CDH8: variants seen among roughly 807,000 people sequenced by gnomAD.
CDH8 encodes cadherin-8.
Under a neutral mutation model 68.1 loss-of-function variants are expected in CDH8, and 17 were observed. That is an observed-to-expected ratio of 0.25 (90% CI 0.17 to 0.37). The LOEUF (loss-of-function observed/expected upper bound fraction) is 0.37. Ranked by LOEUF, CDH8 falls within the 10% of genes least tolerant of loss-of-function variation. The pLI is 1.00. For missense variants in CDH8, 763 were observed against 999.3 expected, an observed-to-expected ratio of 0.76 and a Z score of 3.19; for synonymous variants, 372 against 365.1, an observed-to-expected ratio of 1.02 and a Z score of -0.21.
At chr16:61,860,537 C>T (rs1963131003) in intron 3 of CDH8, among the ~76,000 whole-genome samples, 1 of 151,908 alleles carries the variant, frequency 6.6e-6, no homozygotes, top group Non-Finnish European at 1.5e-5. Context: ...GACCATATAA[C>T]AATTTATTTT....
intron 2 of CDH8, among the ~76,000 whole-genome samples, chr16:62,018,106 A>G (rs996978690): frequency 6.6e-6 from 1 of 152,192 alleles, no homozygotes; most frequent in Admixed American, 6.5e-5. Flanking sequence ...TATTTGCATA[A>G]TCCTTGAAAA....
At chr16:61,829,388 A>G (rs147593020) in intron 4 of CDH8, among the ~76,000 whole-genome samples, 461 of 151,776 alleles carry the variant, frequency 3.0e-3, no homozygotes, top group Non-Finnish European at 5.6e-3. Context: ...ATTCTCCTCA[A>G]TTGCCTCTTT....
At chr16:61,799,677 T>C (rs1001419156) in intron 7 of CDH8, among the ~76,000 whole-genome samples, 4 of 152,172 alleles carry the variant, frequency 2.6e-5, no homozygotes, top group African/African-American at 9.7e-5. Flanking sequence ...TCCATTTTGG[T>C]AAAAATTGTT....
intron 4 of CDH8, 87 bp from the exon 5 acceptor site, chr16:61,825,266 C>G: frequency 1.1e-6 from 1 of 952,202 alleles, no homozygotes; most frequent in South Asian, 1.7e-5. Context: ...CACATACACA[C>G]AAGCATACAC....
In CDH8 at chr16:61,901,332, A is replaced by T; in HGVS notation, c.394T>A (p.Tyr132Asn). ...KRLDREEKAE[Y>N]TLTAQAVDWE... ...TCCACTGCTTGAGCTGTTAGGGTAT[A>T]CTCAGCCTTTTCCTCCCGGTCAAGT... The change falls in exon 3 of 12, where the codon TAT becomes AAT. Residue 132 changes from tyrosine to asparagine, a missense_variant. Coordinates refer to ENST00000577390, the MANE Select transcript of CDH8 (RefSeq NM_001796.5). 6.2e-7 allele frequency: 1 copy of T among 1,613,942 alleles called. No individual in the cohort carries two copies. Among genetic ancestry groups the T allele is most frequent in the Non-Finnish European group, 8.5e-7 (1 of 1,179,962 alleles).
intron 10 of CDH8, among the ~76,000 whole-genome samples, chr16:61,676,181 T>C (rs958232425): frequency 2.7e-5 from 4 of 146,238 alleles, no homozygotes; most frequent in Non-Finnish European, 4.5e-5. Flanking sequence ...GCTTGGAAAG[T>C]TATAAAGACA....
intron 8 of CDH8, among the ~76,000 whole-genome samples, chr16:61,733,816 C>T (rs1211800257): frequency 6.6e-6 from 1 of 151,922 alleles, no homozygotes; most frequent in Admixed American, 6.6e-5. Context: ...AATTGTAACT[C>T]GTTGATTCTT....
chr16:61,842,940 G>A (rs1345433656), intron 4 of CDH8, among the ~76,000 whole-genome samples: 1 of 152,148 alleles, frequency 6.6e-6, no homozygotes, highest in African/African-American at 2.4e-5. Flanking sequence ...GGTGTTGGCA[G>A]TCAGCACAGT....
At chr16:61,779,464 T>TGCGC (rs370998382) in intron 8 of CDH8, among the ~76,000 whole-genome samples, 28 of 141,462 alleles carry the variant, frequency 2.0e-4, no homozygotes, top group African/African-American at 6.9e-4. Context: ...TGTGTGTGTG[T>TGCGC]GCGCGCATGG....
At chr16:61,915,911 A>T (rs1352221423) in intron 2 of CDH8, among the ~76,000 whole-genome samples, 2 of 152,194 alleles carry the variant, frequency 1.3e-5, no homozygotes, top group African/African-American at 4.8e-5. Context: ...GAAAACAATG[A>T]CAAGATGAAG....
At chr16:61,754,631 C>G (rs371855194) in intron 8 of CDH8, among the ~76,000 whole-genome samples, 1 of 151,894 alleles carries the variant, frequency 6.6e-6, no homozygotes, top group Non-Finnish European at 1.5e-5. Context: ...AAATATTTAT[C>G]TTTTCTTTGT....
At chr16:61,892,198 G>C (rs2143199448) in intron 3 of CDH8, among the ~76,000 whole-genome samples, 1 of 152,238 alleles carries the variant, frequency 6.6e-6, no homozygotes, top group East Asian at 1.9e-4. Context: ...TCACTTTTTA[G>C]AAAGTGCAAA....
intron 9 of CDH8, among the ~76,000 whole-genome samples, chr16:61,720,667 C>A (rs1405473655): frequency 6.6e-6 from 1 of 150,646 alleles, no homozygotes; most frequent in Non-Finnish European, 1.5e-5. Context: ...AAAATTTAAC[C>A]CACAGATTCC....
chr16:61,687,536 G>T (rs1964132891), intron 10 of CDH8, among the ~76,000 whole-genome samples: 1 of 151,962 alleles, frequency 6.6e-6, no homozygotes, highest in African/African-American at 2.4e-5. Context: ...TGCCTGTCAT[G>T]AAGAGGATGC....
At chr16:61,740,322 A>G (rs1959833711) in intron 8 of CDH8, among the ~76,000 whole-genome samples, 1 of 152,132 alleles carries the variant, frequency 6.6e-6, no homozygotes, top group Non-Finnish European at 1.5e-5. Context: ...CAGTGAATTC[A>G]TGTTCAGAAA....
chr16:61,782,446 G>A (rs1596962928), intron 8 of CDH8, among the ~76,000 whole-genome samples: 1 of 151,966 alleles, frequency 6.6e-6, no homozygotes, highest in South Asian at 2.1e-4. Context: ...CTACGCCCAC[G>A]GAGTCTCGCT....
At chr16:61,857,658 A>G (rs930125105) in intron 3 of CDH8, among the ~76,000 whole-genome samples, 5 of 152,192 alleles carry the variant, frequency 3.3e-5, no homozygotes, top group African/African-American at 1.2e-4. Context: ...GAAAAGCTGT[A>G]CAGAAATATC....
rs192890775 is a variant in CDH8 at position 61,991,553 on chromosome 16, G to T, written c.252+29599C>A. On this transcript the variant is annotated intron_variant, in intron 2 of 11. Transcript: ENST00000577390. ...TTAAAACAAAATTTGGAGGCAGATGGAGAATACATCGTCATCTACTTTACA... is the reference window on the plus strand; with the variant it reads ...TTAAAACAAAATTTGGAGGCAGATGTAGAATACATCGTCATCTACTTTACA... Among the ~76,000 whole-genome samples, 12 of 152,300 alleles carry T rather than the reference G, an allele frequency of 7.9e-5. No homozygotes were observed. In the East Asian group the frequency reaches 1.9e-3, roughly 25 times the overall value.
intron 8 of CDH8, among the ~76,000 whole-genome samples, chr16:61,744,475 C>A (rs945223613): frequency 1.6e-4 from 25 of 151,968 alleles, no homozygotes; most frequent in Admixed American, 1.6e-3. Context: ...TATATTACAG[C>A]TTTATCTGTG....
Sources: gnomAD v4.1 joint callset for allele counts (sites outside exome capture counted in the v4.1 genomes callset) on GRCh38, gnomAD v4.1.1 for gene constraint, MANE v1.5 for transcripts, NCBI Gene and HGNC (gene_info 2026-07-23, HGNC 2026-07-21) for gene names.